The following TAF1A variants were observed in gnomAD, a reference collection of about 807,000 sequenced individuals.
TAF1A encodes the protein TATA box-binding protein-associated factor RNA polymerase I subunit A.
Under a neutral mutation model 61.6 loss-of-function variants are expected in TAF1A, and 42 were observed. That is an observed-to-expected ratio of 0.68 (90% CI 0.53 to 0.88). The LOEUF is 0.88. Ranked by LOEUF, TAF1A falls within the 40% of genes least tolerant of loss-of-function variation. The pLI, the probability that TAF1A is intolerant of heterozygous loss-of-function variation, is 0.00. For missense variants in TAF1A, 424 were observed against 518.7 expected (o/e 0.82, Z 1.77); for synonymous variants, 179 against 177.7 (o/e 1.01, Z -0.06).
Position 222,577,629 on chromosome 1 carries a change from A to AT in TAF1A, c.419dup (p.His140GlnfsTer12). ...TTCCATGATGCAGAAGGTATAATGCATGTTGTAAGGAGATCTGCAAAAATA... is the reference window on the plus strand; with the variant it reads ...TTCCATGATGCAGAAGGTATAATGCATTGTTGTAAGGAGATCTGCAAAAATA... On this transcript the variant is annotated frameshift_variant, in exon 5 of 11. Coordinates refer to ENST00000352967, the MANE Select transcript of TAF1A (RefSeq NM_005681.4). LOFTEE classifies it high-confidence loss of function. 1 of 1,613,818 alleles carries AT rather than the reference A, an allele frequency of 6.2e-7. No homozygotes were observed. The highest frequency in any genetic ancestry group is 8.5e-7 in the Non-Finnish European group (1 of 1,179,822).
At chr1:222,586,161 G>C (rs1444185515) in intron 2 of TAF1A, among the ~76,000 whole-genome samples, 1 of 152,022 alleles carries the variant, frequency 6.6e-6, no homozygotes, top group Non-Finnish European at 1.5e-5. Context: ...GTATCACCTG[G>C]AATCTCATTA....
At chr1:222,569,449 C>T (rs763392598) in intron 7 of TAF1A, 61 bp downstream of exon 7, 2 of 1,612,584 alleles carry the variant, frequency 1.2e-6, no homozygotes, top group African/African-American at 2.7e-5. Flanking sequence ...AAGCAATGGC[C>T]TAAGAATGTT....
At position 222,573,246 on chromosome 1, in the gene TAF1A, G is replaced by A. The variant is rs544661060; in HGVS notation, c.605-2581C>T. Among the ~76,000 whole-genome samples, 29 of 152,244 alleles carry A rather than the reference G, an allele frequency of 1.9e-4. No homozygotes were observed. The South Asian group carries it at 4.8e-3, about 25-fold the overall frequency. ...ATTGCGCCACTTGCACTCCTGCCTC[G>A]GTGACAGAGTGAGACTCCGTCTCAA... is the stretch of plus-strand genomic sequence containing the variant. On this transcript the variant is annotated intron_variant, in intron 5 of 10. Transcript: ENST00000352967.
downstream of TAF1A, chr1:222,558,294 AAGT>A (rs1162423212): frequency 6.6e-6 from 1 of 152,670 alleles, no homozygotes; most frequent in African/African-American, 2.4e-5. Flanking sequence ...TAGAATATAA[AAGT>A]AGAATATAAA....
chr1:222,564,731 C>A (rs1312825680), intron 7 of TAF1A, among the ~76,000 whole-genome samples: 1 of 152,030 alleles, frequency 6.6e-6, no homozygotes, highest in Non-Finnish European at 1.5e-5. Context: ...TAAAGTAAAG[C>A]TGTATTTTTC....
chr1:222,577,615 A>C lies in TAF1A; in HGVS notation c.434T>G (p.Leu145Arg). The C allele has an allele frequency of 6.2e-7, 1 of 1,613,940 alleles. No homozygotes were observed. The highest frequency in any genetic ancestry group is 8.5e-7 in the Non-Finnish European group (1 of 1,179,890). Residue 145 changes from leucine (L) to arginine (R), a missense_variant, in exon 5 of 11, where the codon CTG becomes CGG. Leu to Arg is a moderately radical substitution (Grantham distance 102). Transcript: ENST00000352967. ...KISLQHALYLLHHGMLKDAKR... is the reference protein window; with the variant it reads ...KISLQHALYLRHHGMLKDAKR... ...AGCATCTTTAAGCATTCCATGATGC[A>C]GAAGGTATAATGCATGTTGTAAGGA...
At chr1:222,561,327 A>C in intron 10 of TAF1A, 37 bp downstream of exon 10, 1 of 1,571,084 alleles carries the variant, frequency 6.4e-7, no homozygotes, top group Non-Finnish European at 8.6e-7. Context: ...AAATCAGCCA[A>C]AGCTGTGTCT....
At chr1:222,574,287 G>GA (rs946439167) in intron 5 of TAF1A, among the ~76,000 whole-genome samples, 3 of 151,592 alleles carry the variant, frequency 2.0e-5, no homozygotes, top group Non-Finnish European at 2.9e-5. Context: ...AAGCTATAAA[G>GA]AAAAAAAACC....
In TAF1A at chr1:222,558,608, T is replaced by G; in HGVS notation, c.*52A>C. ...TACATAAATACATTCAATAACTATC[T>G]ACCAAGCTACTTACTGTGTAGCTAC... On this transcript the variant is annotated 3_prime_UTR_variant, in exon 11 of 11. Transcript: ENST00000352967. 1 of 928,452 alleles carries G rather than the reference T, an allele frequency of 1.1e-6. No homozygotes were observed. Among genetic ancestry groups the G allele is most frequent in the South Asian group, 2.7e-5 (1 of 37,734 alleles). The allele number at this position is 928,452 out of a possible 1,614,324, so 57.5% of individuals were successfully genotyped here. A position where few individuals can be genotyped will look rare whatever the true frequency, so the allele number is the denominator to read the frequency against.
intron 7 of TAF1A, 96 bp from the exon 8 acceptor site, chr1:222,564,221 T>C (rs1311449205): frequency 1.5e-6 from 1 of 674,874 alleles, no homozygotes; most frequent in Admixed American, 3.1e-5. Context: ...CTGTCTAATA[T>C]GCTCCCTTTA....
At chr1:222,567,155 T>C (rs950792047) in intron 7 of TAF1A, among the ~76,000 whole-genome samples, 9 of 152,218 alleles carry the variant, frequency 5.9e-5, no homozygotes, top group African/African-American at 2.2e-4. Flanking sequence ...ACAACATGGA[T>C]GAACCTTGAA....
rs748339476 is a variant in TAF1A, at chr1:222,577,573, T to G, written c.476A>C (p.Glu159Ala). ...MLKDAKRNLS[E>A]AETWRHGENT... ...TTCACCATGTCTCCATGTCTCTGCC[T>G]CACTCAGATTTCTCTTAGCATCTTT... is the stretch of plus-strand genomic sequence containing the variant. Residue 159 changes from glutamate to alanine, a missense_variant, in exon 5 of 11, where the codon GAG (glutamate) becomes GCG (alanine). Physicochemically the swap from Glu to Ala is moderately radical, Grantham distance 107. Transcript: ENST00000352967. The G allele has an allele frequency of 6.2e-7, 1 of 1,614,002 alleles. No individual in the cohort carries two copies. The highest frequency in any genetic ancestry group is 2.2e-5 in the East Asian group (1 of 44,846).
At chr1:222,557,350 TTACTGTGTGAC>T (rs1659742984), downstream of TAF1A, among the ~76,000 whole-genome samples, 1 of 152,152 alleles carries the variant, frequency 6.6e-6, no homozygotes, top group South Asian at 2.1e-4. Flanking sequence ...CCCCATGGGT[TTACTGTGTGAC>T]TCAGGGACAC....
At chr1:222,554,282 C>T (rs1258919325), downstream of TAF1A, among the ~76,000 whole-genome samples, 3 of 152,098 alleles carry the variant, frequency 2.0e-5, no homozygotes, top group Admixed American at 6.5e-5. Flanking sequence ...GACTGACGGG[C>T]GGAAACAAAG....
intron 7 of TAF1A, among the ~76,000 whole-genome samples, chr1:222,565,331 T>A (rs1454687367): frequency 6.6e-6 from 1 of 152,262 alleles, no homozygotes; most frequent in Non-Finnish European, 1.5e-5. Context: ...ATATTTTCTA[T>A]GCAGTTCATT....
At chr1:222,576,255 C>CTCACAAGATTA in intron 5 of TAF1A, among the ~76,000 whole-genome samples, 1 of 152,058 alleles carries the variant, frequency 6.6e-6, no homozygotes, top group East Asian at 1.9e-4. Flanking sequence ...CTACAAAGGC[C>CTCACAAGATTA]TCACAAGATT....
At chr1:222,562,265 T>C (rs772581959) in intron 9 of TAF1A, among the ~76,000 whole-genome samples, 2 of 152,222 alleles carry the variant, frequency 1.3e-5, no homozygotes, top group Non-Finnish European at 2.9e-5. Flanking sequence ...CAATACAATA[T>C]TAACTACAGT....
chr1:222,585,630 C>A (rs768697116), intron 2 of TAF1A, among the ~76,000 whole-genome samples: 1 of 152,020 alleles, frequency 6.6e-6, no homozygotes, highest in Non-Finnish European at 1.5e-5. Context: ...GTTTAATACA[C>A]GTTATATTGA....
rs1042602382 is a variant in TAF1A, at chr1:222,580,979, C to T, written c.292-1107G>A. ...CATCCTGGCTAACACGGTGAAACCC[C>T]GTCTCTACTAAAAATACAAAAAATT... is the stretch of plus-strand genomic sequence containing the variant. On this transcript the variant is annotated intron_variant, in intron 3 of 10. Transcript: ENST00000352967. Among the ~76,000 whole-genome samples, 4 of 151,986 alleles carry T rather than the reference C, an allele frequency of 2.6e-5. No individual in the cohort carries two copies. In the East Asian group the frequency reaches 7.7e-4, roughly 29 times the overall value.
Sources: allele counts gnomAD v4.1 joint callset (sites outside exome capture counted in the v4.1 genomes callset), GRCh38; gene constraint gnomAD v4.1.1; transcripts MANE v1.5; gene names NCBI Gene and HGNC (gene_info 2026-07-23, HGNC 2026-07-21).